VAV3: variants seen among roughly 807,000 people sequenced by gnomAD.
VAV3 encodes guanine nucleotide exchange factor VAV3.
In VAV3, 94 loss-of-function variants were observed where a neutral mutation model predicts 131.2. That is an observed-to-expected ratio of 0.72 (90% CI 0.61 to 0.85). VAV3 has a LOEUF of 0.85. VAV3 is among the 40% of genes least tolerant of loss of function. VAV3 has a pLI of 0.00. For synonymous variants in VAV3, 349 were observed against 342.0 expected (o/e 1.02, Z -0.22); for missense variants, 939 against 1,002.7 (o/e 0.94, Z 0.86).
intron 24 of VAV3, among the ~76,000 whole-genome samples, chr1:107,597,238 A>C (rs1167333900): frequency 2.0e-5 from 3 of 151,564 alleles, no homozygotes; most frequent in Admixed American, 6.6e-5. Context: ...AAAAAAAAAA[A>C]ACAGAAAAAA....
At chr1:107,821,008 G>C (rs1206085111) in intron 2 of VAV3, 1 of 152,116 alleles carries the variant, frequency 6.6e-6, no homozygotes, top group African/African-American at 2.4e-5. Flanking sequence ...GTCATATATT[G>C]AGAGGTACCT....
At chr1:107,590,180 AT>A (rs1179856196) in intron 25 of VAV3, among the ~76,000 whole-genome samples, 1 of 152,176 alleles carries the variant, frequency 6.6e-6, no homozygotes, top group Non-Finnish European at 1.5e-5. Context: ...TCTTTGAAGA[AT>A]TGCTACACTA....
At chr1:107,804,063 C>A (rs761386346) in intron 2 of VAV3, among the ~76,000 whole-genome samples, 5 of 152,000 alleles carry the variant, frequency 3.3e-5, no homozygotes, top group South Asian at 2.1e-4. Flanking sequence ...ATTATTCCCC[C>A]CATTTTTTGG....
At chr1:107,895,306 G>T (rs996517580) in intron 1 of VAV3, among the ~76,000 whole-genome samples, 9 of 152,118 alleles carry the variant, frequency 5.9e-5, no homozygotes, top group Admixed American at 1.3e-4. Flanking sequence ...GCTAACATTT[G>T]TATTCCACTT....
intron 2 of VAV3, among the ~76,000 whole-genome samples, chr1:107,835,988 G>T (rs370944251): frequency 7.9e-5 from 12 of 152,148 alleles, no homozygotes; most frequent in Middle Eastern, 3.2e-3. Context: ...CACAGGCATG[G>T]TGCCTAAATA....
At chr1:107,857,997 C>T (rs1402746970) in intron 2 of VAV3, among the ~76,000 whole-genome samples, 1 of 152,144 alleles carries the variant, frequency 6.6e-6, no homozygotes, top group African/African-American at 2.4e-5. Context: ...ATAGTAACAA[C>T]ATAGGTAAAG....
intron 2 of VAV3, among the ~76,000 whole-genome samples, chr1:107,873,253 T>C (rs1428635062): frequency 2.0e-5 from 3 of 152,186 alleles, no homozygotes; most frequent in East Asian, 1.9e-4. Context: ...CAATCTAGCA[T>C]GCAATCTCAT....
At chr1:107,910,147 G>A (rs888729320) in intron 1 of VAV3, among the ~76,000 whole-genome samples, 1 of 152,168 alleles carries the variant, frequency 6.6e-6, no homozygotes, top group Non-Finnish European at 1.5e-5. Flanking sequence ...TATTCTGAAT[G>A]CCCAAGATTA....
chr1:107,773,680 G>A (rs192872446), intron 4 of VAV3, among the ~76,000 whole-genome samples: 1 of 152,304 alleles, frequency 6.6e-6, no homozygotes, highest in Non-Finnish European at 1.5e-5. Context: ...TGGGACACCA[G>A]GGAGATGGTG....
intron 1 of VAV3, among the ~76,000 whole-genome samples, chr1:107,925,251 G>T (rs1269496714): frequency 1.3e-5 from 2 of 152,140 alleles, no homozygotes; most frequent in Admixed American, 1.3e-4. Context: ...AGATTCTAGG[G>T]TGCTGGTAAT....
chr1:107,832,566 A>G (rs1371087680), intron 2 of VAV3, among the ~76,000 whole-genome samples: 1 of 152,240 alleles, frequency 6.6e-6, no homozygotes, highest in Admixed American at 6.5e-5. Context: ...AAAATAATTT[A>G]AAACACAAAC....
rs1649307555 is a variant in VAV3, at chr1:107,572,177, C to A, written c.*1154G>T. 6.6e-6 allele frequency: 1 copy of A among 152,158 alleles called. No individual in the cohort carries two copies. Among genetic ancestry groups the A allele is most frequent in the Non-Finnish European group, 1.5e-5 (1 of 68,042 alleles). The allele number at this position is 152,158 out of a possible 1,614,324, so 9.4% of individuals were successfully genotyped here. On this transcript the variant is annotated 3_prime_UTR_variant, in exon 27 of 27. Transcript: ENST00000370056. The stretch of plus-strand genomic sequence containing the variant: ...GGCAAAACAAATGTACTGCAAGACC[C>A]ATCTTCCCTCCAGTTAATACACTCC...
intron 7 of VAV3, among the ~76,000 whole-genome samples, chr1:107,767,888 A>G (rs910325110): frequency 1.3e-5 from 2 of 152,238 alleles, no homozygotes; most frequent in Non-Finnish European, 2.9e-5. Context: ...ATGCTTACAT[A>G]AATGTAAACG....
At chr1:107,621,570 A>C (rs1653609053) in intron 20 of VAV3, among the ~76,000 whole-genome samples, 1 of 152,146 alleles carries the variant, frequency 6.6e-6, no homozygotes, top group Non-Finnish European at 1.5e-5. Flanking sequence ...CCAATGATTT[A>C]GTGCACTTTA....
intron 3 of VAV3, among the ~76,000 whole-genome samples, chr1:107,779,038 T>C (rs1479080567): frequency 2.0e-5 from 3 of 152,138 alleles, no homozygotes; most frequent in African/African-American, 7.2e-5. Flanking sequence ...CTTAAACTCC[T>C]AAAAGCTATG....
intron 15 of VAV3, among the ~76,000 whole-genome samples, chr1:107,736,009 A>G (rs145763544): frequency 0.015 from 2,290 of 152,298 alleles, 60 homozygotes; most frequent in African/African-American, 0.053. Flanking sequence ...CTTATCCACC[A>G]AGATCAAGTT....
chr1:107,721,944 T>C (rs910767482), intron 15 of VAV3, among the ~76,000 whole-genome samples: 36 of 152,322 alleles, frequency 2.4e-4, no homozygotes, highest in Admixed American at 2.4e-3. Flanking sequence ...GGACCCATAA[T>C]TGCAAATGAC....
intron 24 of VAV3, among the ~76,000 whole-genome samples, chr1:107,597,810 G>T (rs1005840688): frequency 6.6e-6 from 1 of 152,130 alleles, no homozygotes; most frequent in African/African-American, 2.4e-5. Flanking sequence ...TGATAACAAA[G>T]AATATATAAA....
chr1:107,713,398 G>A (rs1660902915), intron 15 of VAV3, among the ~76,000 whole-genome samples: 1 of 151,714 alleles, frequency 6.6e-6, no homozygotes, highest in Non-Finnish European at 1.5e-5. Flanking sequence ...AGAGAAAGCA[G>A]AAAAATGTTT....
Sources: allele counts gnomAD v4.1 joint callset (sites outside exome capture counted in the v4.1 genomes callset), GRCh38; gene constraint gnomAD v4.1.1; transcripts MANE v1.5; gene names NCBI Gene and HGNC (gene_info 2026-07-23, HGNC 2026-07-21).